The following ART4 variants were observed in gnomAD, a reference collection of about 807,000 sequenced individuals.
The protein encoded by ART4 is ADP-ribosyltransferase 4 (inactive) (Dombrock blood group).
A neutral mutation model predicts 24.2 loss-of-function variants in ART4; 14 were observed. The observed-to-expected ratio is 0.58, with a 90% confidence interval of 0.38 to 0.90. The LOEUF (loss-of-function observed/expected upper bound fraction) is 0.90. Among genes scored for constraint, ART4 ranks in the 40% least tolerant of loss-of-function variants. ART4 has a pLI of 0.00. For synonymous variants in ART4, 145 were observed against 139.9 expected, an observed-to-expected ratio of 1.04 and a Z score of -0.26; for missense variants, 356 against 366.6, an observed-to-expected ratio of 0.97 and a Z score of 0.24.
intron 2 of ART4, among the ~76,000 whole-genome samples, chr12:14,838,495 C>A (rs986873261): frequency 6.6e-6 from 1 of 152,134 alleles, no homozygotes; most frequent in African/African-American, 2.4e-5. Flanking sequence ...TGAATGTTTT[C>A]ATTTATTATC....
At chr12:14,834,371 A>AAAT in intron 2 of ART4, among the ~76,000 whole-genome samples, 1 of 152,340 alleles carries the variant, frequency 6.6e-6, no homozygotes, top group East Asian at 1.9e-4. Flanking sequence ...CTAATAAAAT[A>AAAT]AATAATAATA....
rs1368039263 is a variant in ART4 at position 14,830,667 on chromosome 12, A to G, written c.854-1205T>C. 1.2e-4 allele frequency among the ~76,000 whole-genome samples: 12 copies of G among 96,598 alleles called. 1 individual carries two copies. Among genetic ancestry groups the G allele is most frequent in the South Asian group, 6.9e-4 (2 of 2,918 alleles). The allele number at this position is 96,598 out of a possible 152,430, so 63.4% of individuals were successfully genotyped here. ...TATGTATGTATATATATATATATAT[A>G]TATATATATATATATATATATATAT... On this transcript the variant is annotated intron_variant, in intron 2 of 2. Coordinates refer to ENST00000228936, the MANE Select transcript of ART4 (RefSeq NM_021071.4).
At chr12:14,832,925 CA>C (rs995851416) in intron 2 of ART4, among the ~76,000 whole-genome samples, 74 of 152,150 alleles carry the variant, frequency 4.9e-4, no homozygotes, top group African/African-American at 1.8e-3. Flanking sequence ...ATTGTTGTTA[CA>C]TGGACCATAT....
chr12:14,832,369 C>T (rs976358185), intron 2 of ART4, among the ~76,000 whole-genome samples: 16 of 152,048 alleles, frequency 1.1e-4, no homozygotes, highest in Non-Finnish European at 2.2e-4. Context: ...ATGGGACTGG[C>T]TCTCTCATCT....
intron 1 of ART4, 42 bp from the exon 2 acceptor site, chr12:14,841,195 G>C: frequency 1.3e-6 from 2 of 1,529,838 alleles, no homozygotes; most frequent in Non-Finnish European, 1.8e-6. Context: ...TTTCAAATCA[G>C]ATGGTGAATG....
chr12:14,830,536 A>AGTGTGTGT (rs55694373), intron 2 of ART4, among the ~76,000 whole-genome samples: 125 of 124,178 alleles, frequency 1.0e-3, no homozygotes, highest in Admixed American at 6.4e-3. Flanking sequence ...TCTATATAGG[A>AGTGTGTGT]GTGTGTGTGT....
rs1005841766 is a variant in ART4 at position 14,827,228 on chromosome 12, T to G, written c.*2143A>C. ...TTTATATGGCACAGGAAAAATGTACTTAAGATGTTGGGTGGCTTTTACCAA... is the reference window on the plus strand; with the variant it reads ...TTTATATGGCACAGGAAAAATGTACGTAAGATGTTGGGTGGCTTTTACCAA... On this transcript the variant is annotated 3_prime_UTR_variant, in exon 3 of 3. Transcript: ENST00000228936. 15 of 152,150 alleles carry G rather than the reference T, an allele frequency of 9.9e-5. No individual in the cohort carries two copies. The highest frequency in any genetic ancestry group is 3.6e-4 in the African/African-American group (15 of 41,436). The allele number at this position is 152,150 out of a possible 1,614,324, so 9.4% of individuals were successfully genotyped here.
At chr12:14,830,732 G>T (rs1950391785) in intron 2 of ART4, among the ~76,000 whole-genome samples, 1 of 122,472 alleles carries the variant, frequency 8.2e-6, no homozygotes, top group African/African-American at 3.1e-5. Flanking sequence ...TTGAGTTGGA[G>T]TTCTCACTCT....
At chr12:14,833,314 G>C (rs920522625) in intron 2 of ART4, among the ~76,000 whole-genome samples, 1 of 152,142 alleles carries the variant, frequency 6.6e-6, no homozygotes, top group African/African-American at 2.4e-5. Context: ...TAGTCAAGAA[G>C]CTTAAAACTA....
At position 14,827,489 on chromosome 12, in the gene ART4, C is replaced by T. The variant is rs369710380; in HGVS notation, c.*1882G>A. 6 of 152,284 alleles carry T rather than the reference C, an allele frequency of 3.9e-5. No individual in the cohort carries two copies. Among genetic ancestry groups the T allele is most frequent in the Admixed American group, 6.5e-5 (1 of 15,272 alleles). The allele number at this position is 152,284 out of a possible 1,614,324, so 9.4% of individuals were successfully genotyped here. On this transcript the variant is annotated 3_prime_UTR_variant, in exon 3 of 3. Transcript: ENST00000228936. ...TGAACTTGGCTCACTGCACTACCTC[C>T]GCCTCCTGGGTTTAGGCAATTTTCC...
chr12:14,837,774 C>A (rs1443907266), intron 2 of ART4, among the ~76,000 whole-genome samples: 2 of 152,180 alleles, frequency 1.3e-5, no homozygotes, highest in Non-Finnish European at 1.5e-5. Context: ...CTCGGCCTCC[C>A]AAAATGCTGG....
intron 2 of ART4, among the ~76,000 whole-genome samples, chr12:14,838,446 T>C (rs2137302827): frequency 6.6e-6 from 1 of 152,358 alleles, no homozygotes; most frequent in East Asian, 1.9e-4. Flanking sequence ...AATCATATCC[T>C]AGTCAGGTGT....
chr12:14,841,238 A>G, intron 1 of ART4, 85 bp from the exon 2 acceptor site: 2 of 1,288,692 alleles, frequency 1.6e-6, no homozygotes, highest in East Asian at 2.4e-5. Flanking sequence ...TATAAGGGTA[A>G]GTCTTCTCCT....
chr12:14,843,036 G>A lies in ART4; in HGVS notation c.78C>T (p.Leu26=). The change falls in exon 1 of 3, where the codon CTC becomes CTT. Residue 26 remains leucine (L), a synonymous_variant. Coordinates refer to ENST00000228936, the MANE Select transcript of ART4 (RefSeq NM_021071.4). Reference sequence around the variant, plus strand: ...GCAGGAATGGCAGCAGGCCTCCAAGGAGCCAGATTCTCATCGTTGCAGGAG... The same window carrying A: ...GCAGGAATGGCAGCAGGCCTCCAAGAAGCCAGATTCTCATCGTTGCAGGAG... ...TVPPATMRIW[L]LGGLLPFLLL... 1.9e-6 allele frequency: 3 copies of A among 1,614,122 alleles called. No individual in the cohort carries two copies. The highest frequency in any genetic ancestry group is 3.3e-5 in the Admixed American group (2 of 60,030).
At chr12:14,838,393 T>G (rs1294905004) in intron 2 of ART4, among the ~76,000 whole-genome samples, 1 of 152,206 alleles carries the variant, frequency 6.6e-6, no homozygotes, top group African/African-American at 2.4e-5. Flanking sequence ...CTTACTATCC[T>G]AGTGAAGAAT....
At position 14,840,998 on chromosome 12, in the gene ART4, G is replaced by A; in HGVS notation, c.300C>T (p.Ala100=). The A allele has an allele frequency of 6.2e-7, 1 of 1,614,126 alleles. No homozygotes were observed. The highest frequency in any genetic ancestry group is 2.2e-5 in the East Asian group (1 of 44,884). Residue 100 remains alanine, a synonymous_variant, in exon 2 of 3, where the codon GCC becomes GCT. Transcript: ENST00000228936. The part of the protein sequence containing the change: ...QKNYFRMWQK[A]HLAWLNQGKV... The stretch of plus-strand genomic sequence containing the variant: ...TTCCTTGGTTAAGCCAGGCTAAGTG[G>A]GCTTTTTGCCACATCCTAAAATAAT...
chr12:14,839,812 C>T (rs182060165), intron 2 of ART4, among the ~76,000 whole-genome samples: 146 of 152,302 alleles, frequency 9.6e-4, no homozygotes, highest in Non-Finnish European at 1.4e-3. Flanking sequence ...CCCATTCTCA[C>T]GACAAGTTCC....
intron 1 of ART4, among the ~76,000 whole-genome samples, chr12:14,841,421 C>G (rs1863051192): frequency 6.6e-6 from 1 of 152,164 alleles, no homozygotes; most frequent in Non-Finnish European, 1.5e-5. Context: ...TCACTAAAAT[C>G]ACAGCATGTT....
At chr12:14,830,868 A>G (rs1376650925) in intron 2 of ART4, among the ~76,000 whole-genome samples, 1 of 151,476 alleles carries the variant, frequency 6.6e-6, no homozygotes, top group African/African-American at 2.4e-5. Flanking sequence ...AAATCAAATT[A>G]TATGAATCCC....
Sources: gnomAD v4.1 joint callset for allele counts (sites outside exome capture counted in the v4.1 genomes callset) on GRCh38, gnomAD v4.1.1 for gene constraint, MANE v1.5 for transcripts, NCBI Gene and HGNC (gene_info 2026-07-23, HGNC 2026-07-21) for gene names.